LARP4B: variants seen among roughly 807,000 people sequenced by gnomAD.
LARP4B encodes la-related protein 4B.
LARP4B carries 12 observed loss-of-function variants against 89.8 expected under a neutral mutation model. That is an observed-to-expected ratio of 0.13 (90% CI 0.09 to 0.22). The LOEUF (loss-of-function observed/expected upper bound fraction) is 0.22. Ranked by LOEUF, LARP4B falls within the 10% of genes least tolerant of loss-of-function variation. LARP4B has a pLI of 1.00. For synonymous variants in LARP4B, 367 were observed against 363.3 expected (o/e 1.01, Z -0.12); for missense variants, 757 against 947.7 (o/e 0.80, Z 2.64).
intron 1 of LARP4B, among the ~76,000 whole-genome samples, chr10:896,537 A>C (rs1836194450): frequency 6.6e-6 from 1 of 152,222 alleles, no homozygotes; most frequent in African/African-American, 2.4e-5. Context: ...CACTCTTCCC[A>C]CTGAATTATT....
intron 5 of LARP4B, among the ~76,000 whole-genome samples, chr10:858,916 C>T (rs1174370798): frequency 1.3e-5 from 2 of 152,172 alleles, no homozygotes; most frequent in African/African-American, 2.4e-5. Context: ...CTTTGGCAGG[C>T]CGAGGCAGAC....
chr10:916,738 T>A (rs1271055241), intron 1 of LARP4B, among the ~76,000 whole-genome samples: 2 of 152,202 alleles, frequency 1.3e-5, no homozygotes, highest in African/African-American at 4.8e-5. Flanking sequence ...TGCTCTGTTG[T>A]GCAGATTAGA....
intron 8 of LARP4B, among the ~76,000 whole-genome samples, chr10:835,587 C>G (rs983762444): frequency 6.6e-6 from 1 of 152,184 alleles, no homozygotes; most frequent in African/African-American, 2.4e-5. Context: ...CTACACAAAG[C>G]AACTCAGTTT....
At chr10:975,543 A>G in the LARP4B span, among the ~76,000 whole-genome samples, 2 of 152,264 alleles carry the variant, frequency 1.3e-5, no homozygotes, top group African/African-American at 4.8e-5. Flanking sequence ...TCTTAGGTGC[A>G]GTCAAGGAGC....
chr10:907,880 T>C (rs1836537394), intron 1 of LARP4B, among the ~76,000 whole-genome samples: 1 of 152,172 alleles, frequency 6.6e-6, no homozygotes, highest in African/African-American at 2.4e-5. Flanking sequence ...GGCCAATGAT[T>C]TCAGCAATCA....
chr10:820,297 C>G (rs1422317231), intron 14 of LARP4B: 1 of 153,442 alleles, frequency 6.5e-6, no homozygotes, highest in Non-Finnish European at 1.5e-5. Context: ...AAACCTATCA[C>G]TTATGTTTGG....
chr10:932,104 C>T (rs550953923), upstream of LARP4B, among the ~76,000 whole-genome samples: 3 of 151,862 alleles, frequency 2.0e-5, no homozygotes, highest in South Asian at 6.2e-4. Context: ...CCCTTAAAGA[C>T]CCCTGCCCGC....
At chr10:974,939 C>T in the LARP4B span, among the ~76,000 whole-genome samples, 12 of 152,290 alleles carry the variant, frequency 7.9e-5, no homozygotes, top group East Asian at 1.9e-3. Flanking sequence ...GGGAAAGTAG[C>T]GGTGGGGGTG....
chr10:836,705 T>G (rs1358129771), intron 7 of LARP4B, among the ~76,000 whole-genome samples, 199 bp from the exon 8 acceptor site: 1 of 152,208 alleles, frequency 6.6e-6, no homozygotes, highest in Non-Finnish European at 1.5e-5. Flanking sequence ...ATAATGTATG[T>G]AACACTATGA....
chr10:843,121 C>T (rs576925967), intron 6 of LARP4B, 53 bp from the exon 7 acceptor site: 4 of 1,521,098 alleles, frequency 2.6e-6, no homozygotes, highest in East Asian at 2.3e-5. Flanking sequence ...AAGGAAGTTT[C>T]ACCTACTGTA....
At chr10:849,365 C>CAT (rs1833931702) in intron 5 of LARP4B, among the ~76,000 whole-genome samples, 1 of 152,178 alleles carries the variant, frequency 6.6e-6, no homozygotes, top group Non-Finnish European at 1.5e-5. Context: ...GTTGATGGGG[C>CAT]ATGTCAAAGG....
intron 5 of LARP4B, among the ~76,000 whole-genome samples, chr10:860,253 A>C (rs1173306294): frequency 6.6e-6 from 1 of 152,160 alleles, no homozygotes; most frequent in Non-Finnish European, 1.5e-5. Context: ...GTCCTTAGGG[A>C]AACATAAATT....
intron 1 of LARP4B, among the ~76,000 whole-genome samples, chr10:920,806 TCA>T (rs1836958537): frequency 1.3e-5 from 2 of 152,134 alleles, no homozygotes; most frequent in Non-Finnish European, 2.9e-5. Context: ...AAAGGTTCCT[TCA>T]GTCTTTTAAT....
At chr10:846,423 G>C (rs1833780040) in intron 5 of LARP4B, among the ~76,000 whole-genome samples, 1 of 152,156 alleles carries the variant, frequency 6.6e-6, no homozygotes, top group South Asian at 2.1e-4. Context: ...CATATGATCT[G>C]ATAGAGGAGG....
chr10:872,767 A>G (rs908910646), intron 3 of LARP4B, among the ~76,000 whole-genome samples: 7 of 152,202 alleles, frequency 4.6e-5, no homozygotes, highest in Non-Finnish European at 7.3e-5. Context: ...CGTTACCCAC[A>G]CACAGTAGAT....
chr10:836,293 TC>T, intron 8 of LARP4B, 109 bp downstream of exon 8: 2 of 696,474 alleles, frequency 2.9e-6, no homozygotes, highest in Non-Finnish European at 5.0e-6. Flanking sequence ...ATGTAAGTAC[TC>T]AGTCTAAAAA....
At chr10:887,133 A>G (rs1835880715) in intron 1 of LARP4B, among the ~76,000 whole-genome samples, 1 of 152,098 alleles carries the variant, frequency 6.6e-6, no homozygotes, top group Admixed American at 6.6e-5. Flanking sequence ...CCAGGGGGCT[A>G]GCAGGTAGGG....
At chr10:877,450 T>A (rs888922631) in intron 3 of LARP4B, among the ~76,000 whole-genome samples, 5 of 152,194 alleles carry the variant, frequency 3.3e-5, no homozygotes, top group African/African-American at 1.2e-4. Context: ...ATTATTTCCT[T>A]CTGGTTTCTC....
intron 3 of LARP4B, among the ~76,000 whole-genome samples, chr10:880,686 T>C (rs986696879): frequency 3.2e-4 from 45 of 139,552 alleles, no homozygotes; most frequent in Non-Finnish European, 9.6e-5. Context: ...TGAGGCTGAC[T>C]CAAAAAAAAA....
Sources: gnomAD v4.1 joint callset for allele counts (sites outside exome capture counted in the v4.1 genomes callset) on GRCh38, gnomAD v4.1.1 for gene constraint, MANE v1.5 for transcripts, NCBI Gene and HGNC (gene_info 2026-07-23, HGNC 2026-07-21) for gene names.